ARMH4: variants seen among roughly 807,000 people sequenced by gnomAD.
The protein encoded by ARMH4 is armadillo-like helical domain-containing protein 4.
Under a neutral mutation model 61.9 loss-of-function variants are expected in ARMH4, and 49 were observed. The ratio of observed to expected loss-of-function variants is 0.79; its 90% confidence interval spans 0.63 to 1.00. The LOEUF is 1.00. Ranked by LOEUF, ARMH4 falls within the 50% of genes least tolerant of loss-of-function variation. The pLI, the probability that ARMH4 is intolerant of heterozygous loss-of-function variation, is 0.00. For missense variants in ARMH4, 934 were observed against 930.0 expected (o/e 1.00, Z -0.06); for synonymous variants, 368 against 341.5 (o/e 1.08, Z -0.85).
At chr14:58,011,781 A>C in intron 6 of ARMH4, among the ~76,000 whole-genome samples, 1 of 139,440 alleles carries the variant, frequency 7.2e-6, no homozygotes. Flanking sequence ...AAAAAAAAAA[A>C]ACAGATGGAA....
chr14:58,091,037 C>T (rs529063014), intron 5 of ARMH4, among the ~76,000 whole-genome samples: 2 of 151,396 alleles, frequency 1.3e-5, no homozygotes, highest in South Asian at 2.1e-4. Context: ...GGCAACATGG[C>T]GAAACCTCAT....
intron 6 of ARMH4, among the ~76,000 whole-genome samples, 156 bp downstream of exon 6, chr14:58,011,963 G>T (rs946955913): frequency 1.3e-5 from 2 of 152,140 alleles, no homozygotes; most frequent in Non-Finnish European, 2.9e-5. Context: ...AAAGGGAAGG[G>T]CTTCTTTTTT....
chr14:58,020,954 A>T (rs921578980), intron 5 of ARMH4, among the ~76,000 whole-genome samples: 1 of 152,184 alleles, frequency 6.6e-6, no homozygotes, highest in African/African-American at 2.4e-5. Flanking sequence ...AGGAGAGCTG[A>T]TGTAGTCCAA....
intron 2 of ARMH4, 29 bp from the exon 3 acceptor site, chr14:58,133,370 G>T: frequency 1.4e-6 from 2 of 1,464,270 alleles, no homozygotes; most frequent in South Asian, 1.3e-5. Flanking sequence ...TTTAAAAATA[G>T]ACCAAATCCC....
At chr14:58,116,884 T>C (rs1886548841) in intron 4 of ARMH4, among the ~76,000 whole-genome samples, 1 of 152,184 alleles carries the variant, frequency 6.6e-6, no homozygotes, top group African/African-American at 2.4e-5. Flanking sequence ...CATTATCTTC[T>C]ATAAATCCTG....
At chr14:58,144,595 C>T (rs867490970) in intron 1 of ARMH4, among the ~76,000 whole-genome samples, 5 of 152,172 alleles carry the variant, frequency 3.3e-5, no homozygotes, top group Admixed American at 6.5e-5. Context: ...AGGCCTGGCG[C>T]AGTGGCTCAC....
chr14:58,109,356 A>G (rs1886271583), intron 4 of ARMH4, among the ~76,000 whole-genome samples: 1 of 152,158 alleles, frequency 6.6e-6, no homozygotes, highest in South Asian at 2.1e-4. Flanking sequence ...TGGACAACCA[A>G]TTGTCCCAGA....
Position 58,138,299 on chromosome 14 carries a change from C to G in ARMH4, c.1060G>C (p.Glu354Gln), listed in dbSNP as rs1169616597. ...GCCTCTGTCCAAGGCTGGCCTCCTT[C>G]CATACCCTCATGGCTTACTTGTGCT... ...QTAQVSHEGM[E>Q]GGQPWTEAAQ... is the part of the protein sequence containing the mutation. Residue 354 changes from glutamate to glutamine, a missense_variant, in exon 2 of 8, where the codon GAA becomes CAA. Transcript: ENST00000267485. 1.2e-6 allele frequency: 2 copies of G among 1,614,148 alleles called. No homozygotes were observed. The highest frequency in any genetic ancestry group is 1.7e-6 in the Non-Finnish European group (2 of 1,180,054).
intron 4 of ARMH4, among the ~76,000 whole-genome samples, chr14:58,101,850 C>T (rs1295165053): frequency 1.3e-5 from 2 of 151,798 alleles, no homozygotes; most frequent in African/African-American, 4.8e-5. Flanking sequence ...TTTTAAAATA[C>T]GTTAAAGATA....
At chr14:58,095,393 C>G (rs1324351483) in intron 5 of ARMH4, among the ~76,000 whole-genome samples, 3 of 152,114 alleles carry the variant, frequency 2.0e-5, no homozygotes, top group Non-Finnish European at 4.4e-5. Flanking sequence ...TATTTTGTAT[C>G]TTATTTCATT....
chr14:58,080,765 C>A (rs1037298785), intron 5 of ARMH4, among the ~76,000 whole-genome samples: 2 of 151,550 alleles, frequency 1.3e-5, no homozygotes, highest in Non-Finnish European at 2.9e-5. Flanking sequence ...AGATTTTCAT[C>A]ATTAATAAAA....
At chr14:58,099,543 A>G (rs1400053965) in intron 4 of ARMH4, among the ~76,000 whole-genome samples, 2 of 152,224 alleles carry the variant, frequency 1.3e-5, no homozygotes, top group African/African-American at 4.8e-5. Flanking sequence ...GACAAAGGCC[A>G]GGTTGGAGTG....
chr14:58,031,763 A>G (rs1457611129), intron 5 of ARMH4, among the ~76,000 whole-genome samples: 1 of 152,226 alleles, frequency 6.6e-6, no homozygotes, highest in African/African-American at 2.4e-5. Context: ...TCTTCAACAG[A>G]AATCAGACAA....
At chr14:58,140,396 C>T (rs1209802715) in intron 1 of ARMH4, among the ~76,000 whole-genome samples, 2 of 151,782 alleles carry the variant, frequency 1.3e-5, no homozygotes, top group African/African-American at 4.8e-5. Flanking sequence ...GCCTGGCCAA[C>T]ATGGTGAAAC....
At chr14:58,007,305 T>G (rs1311416425) in intron 6 of ARMH4, among the ~76,000 whole-genome samples, 3 of 152,254 alleles carry the variant, frequency 2.0e-5, no homozygotes, top group Non-Finnish European at 4.4e-5. Context: ...TTGACACACT[T>G]AAGCCTTTTA....
At chr14:58,082,705 C>T (rs1306031538) in intron 5 of ARMH4, among the ~76,000 whole-genome samples, 2 of 152,196 alleles carry the variant, frequency 1.3e-5, no homozygotes, top group African/African-American at 2.4e-5. Context: ...TCCTGGAGAG[C>T]AGACATTGTT....
At chr14:58,139,865 T>G (rs1322259240) in intron 1 of ARMH4, among the ~76,000 whole-genome samples, 1 of 152,156 alleles carries the variant, frequency 6.6e-6, no homozygotes, top group East Asian at 1.9e-4. Context: ...CCCCCAGAAT[T>G]CATGTGTTGA....
chr14:58,032,908 C>T (rs1883309151), intron 5 of ARMH4, among the ~76,000 whole-genome samples: 1 of 151,550 alleles, frequency 6.6e-6, no homozygotes, highest in Non-Finnish European at 1.5e-5. Context: ...CCTACGCCCA[C>T]GGAATCTCGC....
rs1885869829 is a variant in ARMH4, at chr14:58,099,276, G to A, written c.1832-2295C>T. ...TGAGATTATCAAGAAGGTGAATATA[G>A]ACAGAAAGGGAAATGGTCCAGACCA... On this transcript the variant is annotated intron_variant, in intron 4 of 7. Coordinates refer to ENST00000267485, the MANE Select transcript of ARMH4 (RefSeq NM_001001872.4). Among the ~76,000 whole-genome samples the A allele has an allele frequency of 2.6e-5, 4 of 152,184 alleles. No individual in the cohort carries two copies. The South Asian group carries it at 8.3e-4, about 32-fold the overall frequency.
Sources: gnomAD v4.1 joint callset for allele counts (sites outside exome capture counted in the v4.1 genomes callset) on GRCh38, gnomAD v4.1.1 for gene constraint, MANE v1.5 for transcripts, NCBI Gene and HGNC (gene_info 2026-07-23, HGNC 2026-07-21) for gene names.